Variants in JAZF1 observed in about 807,000 individuals in gnomAD.
JAZF1 encodes JAZF zinc finger 1, also known as juxtaposed with another zinc finger protein 1.
A neutral mutation model predicts 26.4 loss-of-function variants in JAZF1; 8 were observed. That is an observed-to-expected ratio of 0.30 (90% CI 0.18 to 0.55). The LOEUF (loss-of-function observed/expected upper bound fraction) is 0.55. Ranked by LOEUF, JAZF1 falls within the 20% of genes least tolerant of loss-of-function variation. The pLI is 0.94. For synonymous variants in JAZF1, 126 were observed against 122.3 expected (o/e 1.03, Z -0.20); for missense variants, 199 against 322.0 (o/e 0.62, Z 2.92).
rs377080135 is a variant in JAZF1 at position 27,995,540 on chromosome 7, C to G, written c.116-3559G>C. Among the ~76,000 whole-genome samples the G allele has an allele frequency of 6.0e-4, 91 of 152,270 alleles. 3 individuals carry two copies. The Middle Eastern group carries it at 0.014, about 23-fold the overall frequency. Reference sequence around the variant, plus strand: ...TACTCCTTGCACAGTCCCTTGCATACTCACAGATTTCAGGTTGACTGGAGG... The same window carrying G: ...TACTCCTTGCACAGTCCCTTGCATAGTCACAGATTTCAGGTTGACTGGAGG... On this transcript the variant is annotated intron_variant, in intron 1 of 4. Transcript: ENST00000283928.
chr7:27,929,271 G>A (rs1367722218), intron 2 of JAZF1, among the ~76,000 whole-genome samples: 2 of 152,040 alleles, frequency 1.3e-5, no homozygotes, highest in Non-Finnish European at 1.5e-5. Flanking sequence ...GCATTGCCCC[G>A]TGGCCTGTGG....
At chr7:27,967,734 T>G (rs1277539330) in intron 2 of JAZF1, among the ~76,000 whole-genome samples, 1 of 152,180 alleles carries the variant, frequency 6.6e-6, no homozygotes, top group African/African-American at 2.4e-5. Flanking sequence ...GAAAAAGAGA[T>G]AAGATGGATC....
chr7:28,168,101 G>A (rs902547602), intron 1 of JAZF1, among the ~76,000 whole-genome samples: 8 of 152,052 alleles, frequency 5.3e-5, no homozygotes, highest in Non-Finnish European at 8.8e-5. Flanking sequence ...GATGAGTTTC[G>A]GCCGGGCGCA....
rs192020877 is a variant in JAZF1 at position 27,960,022 on chromosome 7, G to A, written c.188+31887C>T. On this transcript the variant is annotated intron_variant, in intron 2 of 4. Transcript: ENST00000283928. ...TACCAACGTACTGGGGGTCTAAAATGAGGTTAGAGTGAAATACTGCTACCT... is the reference window on the plus strand; with the variant it reads ...TACCAACGTACTGGGGGTCTAAAATAAGGTTAGAGTGAAATACTGCTACCT... Among the ~76,000 whole-genome samples the A allele has an allele frequency of 3.3e-3, 497 of 152,300 alleles. 3 individuals carry two copies. The highest frequency in any genetic ancestry group is 6.8e-3 in the Middle Eastern group (2 of 294).
chr7:28,135,044 T>C lies in JAZF1; in HGVS notation c.115+45419A>G, dbSNP rs150601451. 8.5e-5 allele frequency among the ~76,000 whole-genome samples: 13 copies of C among 152,320 alleles called. No homozygotes were observed. In the East Asian group the frequency reaches 2.5e-3, roughly 29 times the overall value. On this transcript the variant is annotated intron_variant, in intron 1 of 4. Coordinates refer to ENST00000283928, the MANE Select transcript of JAZF1 (RefSeq NM_175061.4). ...TGACCTATCCTGTTTGCAGTAGCAA[T>C]TTCCCTAAGTGATAACTGGGTGATT... is the stretch of plus-strand genomic sequence containing the variant.
chr7:27,835,780 T>C (rs1782795421), intron 4 of JAZF1, among the ~76,000 whole-genome samples: 1 of 152,176 alleles, frequency 6.6e-6, no homozygotes, highest in African/African-American at 2.4e-5. Flanking sequence ...CCAAAGTTTA[T>C]TTCATCAGTC....
intron 1 of JAZF1, among the ~76,000 whole-genome samples, chr7:27,994,121 A>T (rs1785963684): frequency 6.6e-6 from 1 of 152,176 alleles, no homozygotes; most frequent in Non-Finnish European, 1.5e-5. Context: ...AGATACATTT[A>T]TATTATCCTT....
At chr7:28,099,664 C>T (rs1473643449) in intron 1 of JAZF1, among the ~76,000 whole-genome samples, 1 of 151,962 alleles carries the variant, frequency 6.6e-6, no homozygotes, top group East Asian at 1.9e-4. Context: ...TTAATACAGA[C>T]GGGATTTCTC....
chr7:27,852,739 T>C (rs943079875), intron 3 of JAZF1, among the ~76,000 whole-genome samples: 4 of 152,244 alleles, frequency 2.6e-5, no homozygotes, highest in African/African-American at 9.6e-5. Flanking sequence ...ACATTTCACC[T>C]GTTCTGATAT....
intron 1 of JAZF1, among the ~76,000 whole-genome samples, chr7:28,179,695 G>A (rs1397084860): frequency 5.4e-5 from 8 of 148,212 alleles, no homozygotes; most frequent in Admixed American, 5.3e-4. Flanking sequence ...GGCCGGGGCA[G>A]GGGAGGGCAC....
At position 27,867,844 on chromosome 7, in the gene JAZF1, C is replaced by G. The variant is rs941088880; in HGVS notation, c.386-26977G>C. ...CTACATGCTTATCTACTAAGCTTCT[C>G]TTAGACATGGGCATTGTGGCCAGTT... On this transcript the variant is annotated intron_variant, in intron 3 of 4. Transcript: ENST00000283928. Among the ~76,000 whole-genome samples, 7 of 152,204 alleles carry G rather than the reference C, an allele frequency of 4.6e-5. No homozygotes were observed. In the South Asian group the frequency reaches 8.3e-4, roughly 18 times the overall value.
chr7:27,981,715 C>T (rs1785589304), intron 2 of JAZF1, among the ~76,000 whole-genome samples: 1 of 152,112 alleles, frequency 6.6e-6, no homozygotes, highest in African/African-American at 2.4e-5. Context: ...TTCTAATTTT[C>T]TATAATGCCT....
chr7:27,835,499 C>T (rs933577104), intron 4 of JAZF1, among the ~76,000 whole-genome samples: 3 of 152,198 alleles, frequency 2.0e-5, no homozygotes, highest in Non-Finnish European at 4.4e-5. Context: ...ACCACACACA[C>T]ATCAGCTTTA....
intron 1 of JAZF1, among the ~76,000 whole-genome samples, chr7:28,065,959 G>A (rs2128383723): frequency 6.6e-6 from 1 of 152,320 alleles, no homozygotes; most frequent in East Asian, 1.9e-4. Context: ...TACTGGACCA[G>A]ATGGATCGCA....
chr7:27,942,317 C>A, intron 2 of JAZF1, among the ~76,000 whole-genome samples: 1 of 152,238 alleles, frequency 6.6e-6, no homozygotes, highest in East Asian at 1.9e-4. Context: ...AGCTACCCTA[C>A]CCAGATCATT....
At chr7:28,022,465 G>A (rs1042176187) in intron 1 of JAZF1, among the ~76,000 whole-genome samples, 8 of 152,150 alleles carry the variant, frequency 5.3e-5, no homozygotes, top group African/African-American at 1.9e-4. Context: ...TTCAGCTGTG[G>A]CTTCTGACAC....
At chr7:27,861,491 T>C (rs1783378865) in intron 3 of JAZF1, among the ~76,000 whole-genome samples, 1 of 152,160 alleles carries the variant, frequency 6.6e-6, no homozygotes, top group African/African-American at 2.4e-5. Context: ...CTGTCCTTTC[T>C]ATAAATGTTT....
At chr7:27,888,255 C>G (rs1749681992) in intron 3 of JAZF1, among the ~76,000 whole-genome samples, 1 of 152,210 alleles carries the variant, frequency 6.6e-6, no homozygotes, top group Admixed American at 6.5e-5. Context: ...AAAATTCAGT[C>G]AGGCTGAAGA....
chr7:28,053,224 A>T (rs1783643927), intron 1 of JAZF1, among the ~76,000 whole-genome samples: 1 of 152,190 alleles, frequency 6.6e-6, no homozygotes, highest in Non-Finnish European at 1.5e-5. Flanking sequence ...TCATCTGCTG[A>T]TGGATACTTG....
Sources: gnomAD v4.1 joint callset for allele counts (sites outside exome capture counted in the v4.1 genomes callset) on GRCh38, gnomAD v4.1.1 for gene constraint, MANE v1.5 for transcripts, NCBI Gene and HGNC (gene_info 2026-07-23, HGNC 2026-07-21) for gene names.